The following RGS6 variants were observed in gnomAD, a reference collection of about 807,000 sequenced individuals.
RGS6 encodes regulator of G protein signaling 6.
A neutral mutation model predicts 78.5 loss-of-function variants in RGS6; 30 were observed. That is an observed-to-expected ratio of 0.38 (90% CI 0.29 to 0.52). The LOEUF is 0.52. RGS6 is among the 20% of genes least tolerant of loss of function. The pLI is 0.85. For synonymous variants in RGS6, 206 were observed against 206.0 expected (o/e 1.00, Z 0.00); for missense variants, 495 against 609.7 (o/e 0.81, Z 1.98).
intron 2 of RGS6, among the ~76,000 whole-genome samples, chr14:72,218,810 C>T (rs2046205838): frequency 6.6e-6 from 1 of 151,958 alleles, no homozygotes; most frequent in Admixed American, 6.6e-5. Flanking sequence ...TGGGGTTTCA[C>T]GATGTTGTGC....
At chr14:71,892,334 C>A in the RGS6 span, among the ~76,000 whole-genome samples, 2 of 152,182 alleles carry the variant, frequency 1.3e-5, no homozygotes, top group African/African-American at 4.8e-5. Flanking sequence ...ACAGATCCTT[C>A]CTTGTTTTAA....
At chr14:72,402,790 G>GTTT (rs1167831473) in intron 3 of RGS6, among the ~76,000 whole-genome samples, 847 of 75,812 alleles carry the variant, frequency 0.011, 29 homozygotes, top group East Asian at 0.036. Flanking sequence ...TGTTTTTTTG[G>GTTT]TTTTTTTTTT....
the RGS6 span, among the ~76,000 whole-genome samples, chr14:72,575,880 A>T: frequency 6.6e-6 from 1 of 152,224 alleles, no homozygotes; most frequent in East Asian, 1.9e-4. Context: ...CCCCAGATCG[A>T]CTTGCTTTCG....
chr14:72,392,621 C>T (rs571522716), intron 3 of RGS6, among the ~76,000 whole-genome samples: 5 of 152,306 alleles, frequency 3.3e-5, no homozygotes, highest in African/African-American at 7.2e-5. Flanking sequence ...GAATGGCTGC[C>T]GCTTCCCTGC....
chr14:72,523,308 T>C (rs2097074574), intron 15 of RGS6, among the ~76,000 whole-genome samples: 1 of 152,150 alleles, frequency 6.6e-6, no homozygotes, highest in African/African-American at 2.4e-5. Context: ...TCTAGAATTA[T>C]CCATTTAAGT....
chr14:72,169,692 C>T (rs1212031575), intron 2 of RGS6, among the ~76,000 whole-genome samples: 1 of 152,186 alleles, frequency 6.6e-6, no homozygotes, highest in Non-Finnish European at 1.5e-5. Flanking sequence ...CCCAGCATCC[C>T]TTACAGATGG....
chr14:71,875,104 C>CT, the RGS6 span, among the ~76,000 whole-genome samples: 1,332 of 152,034 alleles, frequency 8.8e-3, 14 homozygotes, highest in Middle Eastern at 0.024. Context: ...CTAAAATTCT[C>CT]TTTTTTTTGT....
intron 2 of RGS6, among the ~76,000 whole-genome samples, chr14:72,292,041 G>A (rs1167586825): frequency 1.2e-5 from 1 of 85,854 alleles, no homozygotes; most frequent in Non-Finnish European, 2.3e-5. Context: ...CCAAGCCTAA[G>A]AGACATGAAC....
At chr14:72,420,198 T>G (rs908980457) in intron 3 of RGS6, among the ~76,000 whole-genome samples, 10 of 152,254 alleles carry the variant, frequency 6.6e-5, no homozygotes, top group African/African-American at 1.2e-4. Flanking sequence ...CATAAACATG[T>G]GGCTAACAAG....
chr14:72,528,664 G>T (rs185227432), intron 15 of RGS6, among the ~76,000 whole-genome samples: 1 of 152,252 alleles, frequency 6.6e-6, no homozygotes, highest in Non-Finnish European at 1.5e-5. Flanking sequence ...AGGGAGAGAG[G>T]AAGGAAGTGG....
chr14:72,335,576 T>C lies in RGS6; in HGVS notation c.85-16519T>C, dbSNP rs1334776761. On this transcript the variant is annotated intron_variant, in intron 2 of 17. Coordinates refer to ENST00000553525, the MANE Select transcript of RGS6 (RefSeq NM_001204424.2). Reference sequence around the variant, plus strand: ...AAGGGCCAGGGGCTGCAGTCTTTGCTTGGAGCTGTGTTTGTAGAACAAGCA... The same window carrying C: ...AAGGGCCAGGGGCTGCAGTCTTTGCCTGGAGCTGTGTTTGTAGAACAAGCA... 2.0e-5 allele frequency among the ~76,000 whole-genome samples: 3 copies of C among 152,174 alleles called. No individual in the cohort carries two copies. In the East Asian group the frequency reaches 5.8e-4, roughly 29 times the overall value.
At chr14:72,336,860 C>T (rs117342233) in intron 2 of RGS6, among the ~76,000 whole-genome samples, 1 of 151,972 alleles carries the variant, frequency 6.6e-6, no homozygotes, top group East Asian at 1.9e-4. Flanking sequence ...ATGACTTTGC[C>T]CCCTGTGTTT....
Position 72,562,859 on chromosome 14 carries a change from T to C in RGS6, c.*392T>C, listed in dbSNP as rs908731019. ...GCTGTCTGGAGACGGTCACACCTTC[T>C]GGCAAATTCAAGAGGCATGAGTGGA... On this transcript the variant is annotated 3_prime_UTR_variant, in exon 18 of 18. Coordinates refer to ENST00000553525, the MANE Select transcript of RGS6 (RefSeq NM_001204424.2). The C allele has an allele frequency of 2.9e-5, 32 of 1,097,566 alleles. No individual in the cohort carries two copies. Among genetic ancestry groups the C allele is most frequent in the Admixed American group, 8.0e-5 (4 of 50,292 alleles). The allele number at this position is 1,097,566 out of a possible 1,614,324, so 68.0% of individuals were successfully genotyped here. A position where few individuals can be genotyped will look rare whatever the true frequency, so the allele number is the denominator to read the frequency against.
intron 2 of RGS6, among the ~76,000 whole-genome samples, chr14:72,089,810 T>C (rs1000292685): frequency 6.6e-6 from 1 of 152,212 alleles, no homozygotes; most frequent in Non-Finnish European, 1.5e-5. Flanking sequence ...ACTTCCTATA[T>C]ACCACCACCT....
intron 2 of RGS6, among the ~76,000 whole-genome samples, chr14:72,299,626 ATC>A (rs1420060815): frequency 6.6e-6 from 1 of 152,226 alleles, no homozygotes; most frequent in African/African-American, 2.4e-5. Context: ...ATTTCTCTGC[ATC>A]CTTGCTAACA....
At chr14:72,234,186 G>A (rs1326891472) in intron 2 of RGS6, among the ~76,000 whole-genome samples, 1 of 151,904 alleles carries the variant, frequency 6.6e-6, no homozygotes, top group Non-Finnish European at 1.5e-5. Context: ...GCTTGTTGAG[G>A]AAGGCAAGCA....
intron 2 of RGS6, among the ~76,000 whole-genome samples, chr14:72,098,501 C>CT (rs1249791642): frequency 6.6e-6 from 1 of 152,158 alleles, no homozygotes; most frequent in Non-Finnish European, 1.5e-5. Context: ...TGGCATTGTT[C>CT]TTTTTTAGCT....
In RGS6 at chr14:71,996,454, A is replaced by G. The variant is rs188741575; in HGVS notation, c.84+31579A>G. Among the ~76,000 whole-genome samples the G allele has an allele frequency of 3.4e-3, 516 of 152,194 alleles. 2 individuals carry two copies. Among genetic ancestry groups the G allele is most frequent in the Middle Eastern group, 6.8e-3 (2 of 294 alleles). On this transcript the variant is annotated intron_variant, in intron 2 of 17. Transcript: ENST00000553525. The stretch of plus-strand genomic sequence containing the variant: ...CAATCTAGTCATTGAGAGAGACCCT[A>G]TGAGAAACAGTGGGTGGAGCTGGGG...
chr14:71,990,968 C>A, intron 2 of RGS6: 1 of 406,524 alleles, frequency 2.5e-6, no homozygotes, highest in Non-Finnish European at 4.9e-6. Flanking sequence ...CAGGCCTAAT[C>A]ACTCACCACT....
Sources: gnomAD v4.1 joint callset for allele counts (sites outside exome capture counted in the v4.1 genomes callset) on GRCh38, gnomAD v4.1.1 for gene constraint, MANE v1.5 for transcripts, NCBI Gene and HGNC (gene_info 2026-07-23, HGNC 2026-07-21) for gene names.